MYO16: variants seen among roughly 807,000 people sequenced by gnomAD.
MYO16 encodes the protein unconventional myosin-XVI.
MYO16 carries 94 observed loss-of-function variants against 205.3 expected under a neutral mutation model. That is an observed-to-expected ratio of 0.46 (90% CI 0.39 to 0.54). MYO16 has a LOEUF of 0.54. MYO16 is among the 20% of genes least tolerant of loss of function. The pLI is 0.00. For synonymous variants in MYO16, 988 were observed against 954.0 expected, an observed-to-expected ratio of 1.04 and a Z score of -0.66; for missense variants, 2,315 against 2,387.5, an observed-to-expected ratio of 0.97 and a Z score of 0.63.
At position 109,206,871 on chromosome 13, in the gene MYO16, G is replaced by C. The variant is rs745590490; in HGVS notation, c.*35G>C. Reference sequence around the variant, plus strand: ...AACTGCAGACTTACAAAATAGAACTGCCTACTGATTCCGGGCTGCAACAAC... The same window carrying C: ...AACTGCAGACTTACAAAATAGAACTCCCTACTGATTCCGGGCTGCAACAAC... On this transcript the variant is annotated 3_prime_UTR_variant, in exon 35 of 35. Transcript: ENST00000457511. 7.2e-5 allele frequency: 114 copies of C among 1,578,754 alleles called. No individual in the cohort carries two copies. Among genetic ancestry groups the C allele is most frequent in the Non-Finnish European group, 9.0e-5 (104 of 1,153,620 alleles).
At chr13:108,991,209 C>A (rs75724516) in intron 20 of MYO16, among the ~76,000 whole-genome samples, 1 of 152,092 alleles carries the variant, frequency 6.6e-6, no homozygotes, top group Non-Finnish European at 1.5e-5. Flanking sequence ...CCTTCCCTGC[C>A]TTCCATGTAA....
intron 13 of MYO16, chr13:108,886,424 C>T: frequency 2.2e-6 from 1 of 456,206 alleles, no homozygotes; most frequent in Non-Finnish European, 4.4e-6. Context: ...AGGTTCTTGC[C>T]TCACGACCTG....
chr13:108,839,190 C>T (rs1877102594), intron 9 of MYO16, among the ~76,000 whole-genome samples: 1 of 151,960 alleles, frequency 6.6e-6, no homozygotes, highest in African/African-American at 2.4e-5. Flanking sequence ...TCTTCCTCTT[C>T]TTATAAAGCC....
the MYO16 span, among the ~76,000 whole-genome samples, chr13:108,522,859 C>T: frequency 6.6e-6 from 1 of 152,004 alleles, no homozygotes; most frequent in African/African-American, 2.4e-5. Context: ...ATAACCTCAT[C>T]TTAATGAGGT....
At chr13:109,044,941 G>A (rs775642600) in intron 23 of MYO16, among the ~76,000 whole-genome samples, 1 of 152,104 alleles carries the variant, frequency 6.6e-6, no homozygotes, top group Non-Finnish European at 1.5e-5. Flanking sequence ...GTCCACCTTG[G>A]CCTCCCAAAG....
intron 16 of MYO16, among the ~76,000 whole-genome samples, chr13:108,948,720 G>A (rs952897248): frequency 6.6e-6 from 1 of 152,240 alleles, no homozygotes; most frequent in Non-Finnish European, 1.5e-5. Context: ...AGCACTTCTT[G>A]AAAGAAATCT....
At chr13:108,960,005 G>A (rs1170117280) in intron 17 of MYO16, among the ~76,000 whole-genome samples, 6 of 151,700 alleles carry the variant, frequency 4.0e-5, no homozygotes, top group African/African-American at 7.3e-5. Flanking sequence ...GGGCATGGTG[G>A]TGCACGCCTG....
intron 32 of MYO16, among the ~76,000 whole-genome samples, chr13:109,151,611 C>T (rs967010892): frequency 6.6e-6 from 1 of 152,268 alleles, no homozygotes; most frequent in Admixed American, 6.5e-5. Flanking sequence ...TCAAACATAA[C>T]CCTTCAAAAG....
intron 9 of MYO16, among the ~76,000 whole-genome samples, chr13:108,839,383 T>C (rs1416227017): frequency 6.6e-6 from 1 of 152,126 alleles, no homozygotes; most frequent in African/African-American, 2.4e-5. Context: ...GGCTATGAAA[T>C]TTTTATGAGC....
intron 15 of MYO16, among the ~76,000 whole-genome samples, chr13:108,901,559 C>T (rs780887705): frequency 1.2e-4 from 19 of 152,262 alleles, no homozygotes; most frequent in Non-Finnish European, 2.8e-4. Context: ...TAATTTCAGA[C>T]TTGCGTAGGG....
intron 33 of MYO16, among the ~76,000 whole-genome samples, chr13:109,167,925 C>T (rs904785903): frequency 6.6e-6 from 1 of 152,032 alleles, no homozygotes; most frequent in Middle Eastern, 3.4e-3. Flanking sequence ...CTGACAGACT[C>T]AGAATGCTTA....
chr13:108,729,024 G>C (rs1419841882), intron 4 of MYO16, among the ~76,000 whole-genome samples: 1 of 148,430 alleles, frequency 6.7e-6, no homozygotes, highest in Non-Finnish European at 1.5e-5. Flanking sequence ...GTCACTAAAA[G>C]TGTATTTCTT....
At chr13:108,717,907 T>G (rs937518544) in intron 3 of MYO16, among the ~76,000 whole-genome samples, 8 of 152,334 alleles carry the variant, frequency 5.3e-5, no homozygotes, top group African/African-American at 1.9e-4. Flanking sequence ...GAAACATGCG[T>G]GTTTCATATA....
intron 2 of MYO16, among the ~76,000 whole-genome samples, chr13:108,686,629 T>C (rs1003270657): frequency 1.3e-5 from 2 of 152,172 alleles, no homozygotes; most frequent in Non-Finnish European, 2.9e-5. Context: ...CTAAAACTAG[T>C]TGAGGGCTTA....
intron 21 of MYO16, among the ~76,000 whole-genome samples, chr13:109,004,288 A>G (rs1207600869): frequency 6.6e-6 from 1 of 152,092 alleles, no homozygotes; most frequent in Non-Finnish European, 1.5e-5. Context: ...CAAAGAAGAT[A>G]TTTTCCAGTG....
intron 20 of MYO16, among the ~76,000 whole-genome samples, chr13:108,980,604 C>T (rs956414075): frequency 3.3e-5 from 5 of 152,144 alleles, no homozygotes; most frequent in Non-Finnish European, 4.4e-5. Flanking sequence ...AGTTAAATAT[C>T]GTTTGCCTTT....
chr13:108,505,414 C>T, the MYO16 span, among the ~76,000 whole-genome samples: 1 of 152,064 alleles, frequency 6.6e-6, no homozygotes, highest in Non-Finnish European at 1.5e-5. Flanking sequence ...TTTGCATTTT[C>T]CTGATGATTA....
the MYO16 span, among the ~76,000 whole-genome samples, chr13:108,521,653 T>G: frequency 1.3e-5 from 2 of 152,344 alleles, no homozygotes; most frequent in African/African-American, 4.8e-5. Context: ...TCTTTATGTC[T>G]GATAATCTAC....
At chr13:108,841,397 G>C (rs983833705) in intron 9 of MYO16, among the ~76,000 whole-genome samples, 1 of 152,126 alleles carries the variant, frequency 6.6e-6, no homozygotes, top group Non-Finnish European at 1.5e-5. Context: ...ATACAGCACT[G>C]TATACAAAAA....
Sources: allele counts gnomAD v4.1 joint callset (sites outside exome capture counted in the v4.1 genomes callset), GRCh38; gene constraint gnomAD v4.1.1; transcripts MANE v1.5; gene names NCBI Gene and HGNC (gene_info 2026-07-23, HGNC 2026-07-21).